NTNG1: variants seen among roughly 807,000 people sequenced by gnomAD.
The protein encoded by NTNG1 is netrin G1, also known as netrin-G1.
Under a neutral mutation model 54.0 loss-of-function variants are expected in NTNG1, and 16 were observed. The ratio of observed to expected loss-of-function variants is 0.30; its 90% CI spans 0.20 to 0.45. NTNG1 has a LOEUF of 0.45. Ranked by LOEUF, NTNG1 falls within the 20% of genes least tolerant of loss-of-function variation. The pLI, the probability that NTNG1 is intolerant of heterozygous loss-of-function variation, is 1.00. For missense variants in NTNG1, 530 were observed against 678.7 expected, an observed-to-expected ratio of 0.78 and a Z score of 2.43; for synonymous variants, 255 against 263.1, an observed-to-expected ratio of 0.97 and a Z score of 0.30.
intron 2 of NTNG1, among the ~76,000 whole-genome samples, chr1:107,216,323 G>A (rs1659956016): frequency 1.3e-5 from 2 of 152,138 alleles, no homozygotes; most frequent in Non-Finnish European, 1.5e-5. Context: ...TATGTCCCTT[G>A]TATGCCAGTT....
At chr1:107,334,025 G>C (rs1202002612) in intron 3 of NTNG1, 2 of 151,896 alleles carry the variant, frequency 1.3e-5, no homozygotes, top group African/African-American at 2.4e-5. Flanking sequence ...GGTGTATTTT[G>C]TAGATAAATA....
intron 7 of NTNG1, chr1:107,455,751 C>T (rs1211355238): frequency 1.1e-5 from 4 of 354,322 alleles, no homozygotes; most frequent in Non-Finnish European, 2.5e-5. Context: ...TTCATGCTGT[C>T]GTGTCAGTGC....
At chr1:107,208,915 A>G (rs1408736771) in intron 2 of NTNG1, among the ~76,000 whole-genome samples, 2 of 152,092 alleles carry the variant, frequency 1.3e-5, no homozygotes, top group African/African-American at 4.8e-5. Flanking sequence ...CACATGCCAC[A>G]GTATTTATTT....
chr1:107,420,090 C>T (rs1674482077), intron 5 of NTNG1, among the ~76,000 whole-genome samples: 1 of 152,020 alleles, frequency 6.6e-6, no homozygotes, highest in South Asian at 2.1e-4. Flanking sequence ...AATTATACAA[C>T]ACAGGCTCTA....
chr1:107,171,881 C>T (rs111583998), intron 2 of NTNG1, among the ~76,000 whole-genome samples: 4,043 of 107,368 alleles, frequency 0.038, 71 homozygotes, highest in South Asian at 0.058. Context: ...TTACCAACAG[C>T]CTGGATTTTT....
chr1:107,270,398 C>T (rs1417793534), intron 2 of NTNG1, among the ~76,000 whole-genome samples: 1 of 152,168 alleles, frequency 6.6e-6, no homozygotes, highest in Admixed American at 6.5e-5. Flanking sequence ...GGAATCTAAG[C>T]TCTTTGAATT....
In NTNG1 at chr1:107,436,793, T is replaced by A. The variant is rs750743579; in HGVS notation, c.1384T>A (p.Cys462Ser). The A allele has an allele frequency of 6.2e-7, 1 of 1,613,360 alleles. No homozygotes were observed. The highest frequency in any genetic ancestry group is 8.5e-7 in the Non-Finnish European group (1 of 1,179,558). ...CLPGNSWHYG[C>S]QPNVCDNELL... ...GCCGGGAAATTCCTGGCACTACGGC[T>A]GTCAACGTAAGTAACTCTGGGAGCT... Residue 462 changes from cysteine to serine, a missense_variant, in exon 7 of 8, where the codon TGT (cysteine) becomes AGT (serine). Physicochemically the swap from Cys to Ser is moderately radical, Grantham distance 112. Around this residue, in one of 2 missense-constraint regions of NTNG1, gnomAD observed 212 missense variants for 213.6 expected, o/e 0.99. Coordinates refer to ENST00000370068, the MANE Select transcript of NTNG1 (RefSeq NM_001113226.3).
rs1213365049 is a variant in NTNG1, at chr1:107,220,750, TCATTAAGACTCTATG to T, written c.246+71916_246+71930del. Among the ~76,000 whole-genome samples, 14 of 152,328 alleles carry T rather than the reference TCATTAAGACTCTATG, an allele frequency of 9.2e-5. No individual in the cohort carries two copies. In the East Asian group the frequency reaches 2.7e-3, roughly 29 times the overall value. On this transcript the variant is annotated intron_variant, in intron 2 of 7. Coordinates refer to ENST00000370068, the MANE Select transcript of NTNG1 (RefSeq NM_001113226.3). ...AAGATAAATGCCTAATGGATCTTTA[TCATTAAGACTCTATG>T]CATTTCCTAGTTATTTTAATAACAG...
chr1:107,293,443 T>C (rs1329122319), intron 2 of NTNG1, among the ~76,000 whole-genome samples: 1 of 152,240 alleles, frequency 6.6e-6, no homozygotes, highest in Non-Finnish European at 1.5e-5. Context: ...CAGTCTATCA[T>C]CCATTGGATT....
intron 2 of NTNG1, among the ~76,000 whole-genome samples, chr1:107,224,929 C>G (rs1660578023): frequency 6.6e-6 from 1 of 152,126 alleles, no homozygotes; most frequent in Non-Finnish European, 1.5e-5. Context: ...AGTTTCTCAA[C>G]TGTTGTATAA....
At chr1:107,454,311 A>T (rs1300022356) in intron 7 of NTNG1, among the ~76,000 whole-genome samples, 2 of 152,186 alleles carry the variant, frequency 1.3e-5, no homozygotes, top group African/African-American at 4.8e-5. Flanking sequence ...TATTTCTCAG[A>T]ATCAACAACT....
At chr1:107,371,745 A>T (rs970150905) in intron 3 of NTNG1, among the ~76,000 whole-genome samples, 12 of 152,112 alleles carry the variant, frequency 7.9e-5, no homozygotes, top group African/African-American at 2.7e-4. Context: ...ATACTTTCTA[A>T]ATCATTGTCT....
intron 3 of NTNG1, among the ~76,000 whole-genome samples, chr1:107,364,281 A>G (rs1670461305): frequency 6.6e-6 from 1 of 152,176 alleles, no homozygotes; most frequent in South Asian, 2.1e-4. Flanking sequence ...AATTTTACAT[A>G]ATTCTCGTGG....
chr1:107,246,889 C>T (rs187663980), intron 2 of NTNG1, among the ~76,000 whole-genome samples: 33 of 152,142 alleles, frequency 2.2e-4, no homozygotes, highest in Non-Finnish European at 3.7e-4. Context: ...AGCCATCGTA[C>T]GCTTCCTTTC....
intron 2 of NTNG1, among the ~76,000 whole-genome samples, chr1:107,290,666 A>C (rs1307274400): frequency 6.6e-6 from 1 of 152,116 alleles, no homozygotes; most frequent in Admixed American, 6.6e-5. Flanking sequence ...CTAAAATTGA[A>C]TGAAAATATG....
intron 7 of NTNG1, among the ~76,000 whole-genome samples, chr1:107,466,348 A>G (rs1302770084): frequency 1.3e-5 from 2 of 152,154 alleles, no homozygotes; most frequent in African/African-American, 4.8e-5. Flanking sequence ...TTTTCTATGA[A>G]ATTCATTTAT....
chr1:107,262,017 GAT>G (rs1663384566), intron 2 of NTNG1, among the ~76,000 whole-genome samples: 1 of 152,170 alleles, frequency 6.6e-6, no homozygotes, highest in Non-Finnish European at 1.5e-5. Flanking sequence ...AGGAAAATAA[GAT>G]ACACCTTAAA....
At chr1:107,263,272 G>C (rs868582248) in intron 2 of NTNG1, among the ~76,000 whole-genome samples, 53 of 146,266 alleles carry the variant, frequency 3.6e-4, no homozygotes, top group African/African-American at 1.2e-3. Flanking sequence ...AGGTTAGCTT[G>C]CTTCCTTCCT....
chr1:107,365,709 TTAACA>T (rs1449611006), intron 3 of NTNG1, among the ~76,000 whole-genome samples: 1 of 152,228 alleles, frequency 6.6e-6, no homozygotes, highest in Non-Finnish European at 1.5e-5. Flanking sequence ...TAACAACTAC[TTAACA>T]TAATCCCTCA....
Sources: allele counts gnomAD v4.1 joint callset (sites outside exome capture counted in the v4.1 genomes callset), GRCh38; gene constraint gnomAD v4.1.1; regional missense constraint gnomAD v4.1.1; transcripts MANE v1.5; gene names NCBI Gene and HGNC (gene_info 2026-07-23, HGNC 2026-07-21).